The following UEVLD variants were observed in gnomAD, a reference collection of about 807,000 sequenced individuals.
UEVLD encodes UEV and lactate/malate dehyrogenase domains.
A neutral mutation model predicts 58.6 loss-of-function variants in UEVLD; 47 were observed. The observed-to-expected ratio is 0.80, with a 90% confidence interval of 0.63 to 1.02. The LOEUF is 1.02. UEVLD is among the 50% of genes least tolerant of loss of function. The probability of loss-of-function intolerance (pLI) is 0.00; values close to 1 mark genes in which losing one functional copy is unlikely to be tolerated. For synonymous variants in UEVLD, 197 were observed against 195.3 expected (o/e 1.01, Z -0.07); for missense variants, 510 against 550.6 (o/e 0.93, Z 0.74).
Position 18,588,694 on chromosome 11 carries a change from C to A in UEVLD, c.-40G>T. On this transcript the variant is annotated 5_prime_UTR_variant, in exon 1 of 12. Transcript: ENST00000396197. ...CGAGCTAGGTCCCAGGACTCCAGCC[C>A]CCGGACCTTCTTCCGGACTTGCTGC... 3 of 1,598,814 alleles carry A rather than the reference C, an allele frequency of 1.9e-6. No individual in the cohort carries two copies. Among genetic ancestry groups the A allele is most frequent in the East Asian group, 2.2e-5 (1 of 44,588 alleles).
chr11:18,587,227 G>C (rs1165717738), intron 1 of UEVLD, among the ~76,000 whole-genome samples: 1 of 152,034 alleles, frequency 6.6e-6, no homozygotes, highest in Non-Finnish European at 1.5e-5. Context: ...CTTCCCATCG[G>C]ACAATCCATC....
rs556353886 is a variant in UEVLD at position 18,563,137 on chromosome 11, TA to T, written c.612+1754del. On this transcript the variant is annotated intron_variant, in intron 6 of 11. Transcript: ENST00000396197. ...AAAAAGACAAATAATTACAAATAAA[TA>T]AAACTTAGTACTGTTAGGGATGTCA... Among the ~76,000 whole-genome samples the T allele has an allele frequency of 1.6e-4, 25 of 151,592 alleles. No individual in the cohort carries two copies. The East Asian group carries it at 4.8e-3, about 29-fold the overall frequency.
intron 10 of UEVLD, 73 bp from the exon 11 acceptor site, chr11:18,534,526 TATTA>T: frequency 2.1e-6 from 3 of 1,457,418 alleles, no homozygotes; most frequent in Non-Finnish European, 2.7e-6. Flanking sequence ...CTGGCTAAGG[TATTA>T]ATTAGATGTT....
At chr11:18,560,936 G>A (rs1337109230) in intron 6 of UEVLD, among the ~76,000 whole-genome samples, 3 of 152,018 alleles carry the variant, frequency 2.0e-5, no homozygotes, top group South Asian at 2.1e-4. Context: ...TCTTGAAGCC[G>A]GGAGGTGGAG....
intron 3 of UEVLD, among the ~76,000 whole-genome samples, chr11:18,572,673 G>A (rs947211360): frequency 5.9e-5 from 9 of 152,048 alleles, no homozygotes; most frequent in Non-Finnish European, 1.2e-4. Context: ...GCATGGTGGT[G>A]CACACCAGTA....
chr11:18,551,548 A>G (rs1333198456), intron 7 of UEVLD, among the ~76,000 whole-genome samples: 2 of 152,214 alleles, frequency 1.3e-5, no homozygotes, highest in African/African-American at 2.4e-5. Context: ...AAAAGTGAAC[A>G]TGATATTGTC....
intron 8 of UEVLD, among the ~76,000 whole-genome samples, 193 bp downstream of exon 8, chr11:18,546,687 C>T (rs1359890139): frequency 4.0e-5 from 6 of 151,822 alleles, no homozygotes; most frequent in Admixed American, 2.0e-4. Context: ...TTGGTAGAGA[C>T]GGGGTTTCAC....
At chr11:18,549,336 TTTC>T (rs1851430708) in intron 7 of UEVLD, among the ~76,000 whole-genome samples, 1 of 152,220 alleles carries the variant, frequency 6.6e-6, no homozygotes, top group Non-Finnish European at 1.5e-5. Context: ...ATTGTGATTA[TTTC>T]TTTTCTTTGC....
At chr11:18,539,710 G>A (rs756929964) in intron 9 of UEVLD, among the ~76,000 whole-genome samples, 9 of 152,304 alleles carry the variant, frequency 5.9e-5, no homozygotes, top group South Asian at 2.1e-4. Context: ...CCAAGTGAAC[G>A]AGTTCAGGGA....
In UEVLD at chr11:18,534,437, T is replaced by G. The variant is rs905674072; in HGVS notation, c.1141A>C (p.Arg381=). 1 of 1,572,158 alleles carries G rather than the reference T, an allele frequency of 6.4e-7. No homozygotes were observed. The highest frequency in any genetic ancestry group is 1.4e-5 in the African/African-American group (1 of 72,422). ...GACCAGGATCTTTGACCTTTTACTC[T>G]TAGCAGTTCCATGGCTCTAGGTTAC... ...QLSNRAMELL[R]VKGQRSWSVG... The change falls in exon 11 of 12, where the codon AGA becomes CGA. Residue 381 remains arginine (R), a synonymous_variant. Coordinates refer to ENST00000396197, the MANE Select transcript of UEVLD (RefSeq NM_001040697.4).
At position 18,534,326 on chromosome 11, in the gene UEVLD, T is replaced by A; in HGVS notation, c.1248+4A>T. ...TATAATAAGAGAATAAGAATAGCAA[T>A]TACCTTTGCTAAAGCTGATACAGAA... On this transcript the variant is annotated splice_donor_region_variant and intron_variant, in intron 11 of 11. Transcript: ENST00000396197. 6.6e-7 allele frequency: 1 copy of A among 1,511,996 alleles called. No homozygotes were observed. The highest frequency in any genetic ancestry group is 1.4e-5 in the African/African-American group (1 of 69,586). 93.7% of individuals were successfully genotyped at this position (1,511,996 alleles called of 1,614,324 possible).
intron 7 of UEVLD, among the ~76,000 whole-genome samples, chr11:18,553,527 A>G (rs1851624352): frequency 6.6e-6 from 1 of 152,150 alleles, no homozygotes; most frequent in Non-Finnish European, 1.5e-5. Context: ...ATATACATCC[A>G]AAAGAACCAA....
intron 10 of UEVLD, among the ~76,000 whole-genome samples, chr11:18,535,194 A>G (rs1427735594): frequency 6.6e-5 from 10 of 152,170 alleles, no homozygotes; most frequent in Admixed American, 6.5e-4. Flanking sequence ...GTGTTGTCCA[A>G]GCTGGTCTCA....
intron 10 of UEVLD, 29 bp downstream of exon 10, chr11:18,536,377 G>A: frequency 6.2e-7 from 1 of 1,604,834 alleles, no homozygotes; most frequent in Non-Finnish European, 8.5e-7. Context: ...TTTTTCGTTG[G>A]ATAAATGCAA....
At chr11:18,578,586 GA>G (rs1431220917) in intron 2 of UEVLD, 137 bp downstream of exon 2, 29 of 656,100 alleles carry the variant, frequency 4.4e-5, no homozygotes, top group South Asian at 2.6e-4. Context: ...AGCTTTCTCA[GA>G]AATTGCAGGT....
At chr11:18,555,403 G>A (rs1350746921) in intron 7 of UEVLD, among the ~76,000 whole-genome samples, 2 of 151,442 alleles carry the variant, frequency 1.3e-5, no homozygotes, top group Non-Finnish European at 2.9e-5. Context: ...TCCAGCCTGG[G>A]TGAAAGTGCG....
rs142488854 is a variant in UEVLD, at chr11:18,561,790, C to G, written c.612+3102G>C. ...GAGGTTGCAGTGAGCTGAGATCACG[C>G]CACTGCAATCCAGCCTGGGGAACAG... is the stretch of plus-strand genomic sequence containing the variant. On this transcript the variant is annotated intron_variant, in intron 6 of 11. Transcript: ENST00000396197. 1.4e-3 allele frequency among the ~76,000 whole-genome samples: 218 copies of G among 151,372 alleles called. 1 individual carries two copies. The highest frequency in any genetic ancestry group is 4.8e-3 in the African/African-American group (199 of 41,142).
At chr11:18,546,818 C>A in intron 8 of UEVLD, 62 bp downstream of exon 8, 1 of 1,575,864 alleles carries the variant, frequency 6.3e-7, no homozygotes, top group Non-Finnish European at 8.6e-7. Flanking sequence ...TGGTTTTTAT[C>A]AGTAATGGCA....
chr11:18,576,085 T>G (rs1370913809), intron 2 of UEVLD, among the ~76,000 whole-genome samples: 2 of 152,242 alleles, frequency 1.3e-5, no homozygotes, highest in African/African-American at 4.8e-5. Flanking sequence ...TTCTAACCTT[T>G]AAGCTGTCCT....
Sources: allele counts gnomAD v4.1 joint callset (sites outside exome capture counted in the v4.1 genomes callset), GRCh38; gene constraint gnomAD v4.1.1; transcripts MANE v1.5; gene names NCBI Gene and HGNC (gene_info 2026-07-23, HGNC 2026-07-21).